The following AKT2 variants were observed in gnomAD, a reference collection of about 807,000 sequenced individuals.
AKT2 encodes AKT serine/threonine kinase 2.
Under a neutral mutation model 58.6 loss-of-function variants are expected in AKT2, and 16 were observed. The ratio of observed to expected loss-of-function variants is 0.27; its 90% CI spans 0.18 to 0.41. The LOEUF is 0.41. AKT2 is among the 10% of genes least tolerant of loss of function. The pLI is 1.00. For missense variants in AKT2, 438 were observed against 661.0 expected, an observed-to-expected ratio of 0.66 and a Z score of 3.70; for synonymous variants, 253 against 254.0, an observed-to-expected ratio of 1.00 and a Z score of 0.04.
At chr19:40,243,697 T>C (rs1221320939) in intron 4 of AKT2, 1 of 152,118 alleles carries the variant, frequency 6.6e-6, no homozygotes, top group Admixed American at 6.5e-5. Flanking sequence ...AAGACCAGCC[T>C]AGGTAACAAA....
chr19:40,236,202 G>A (rs1186981445), intron 10 of AKT2, 55 bp downstream of exon 10: 15 of 1,613,268 alleles, frequency 9.3e-6, no homozygotes, highest in East Asian at 6.7e-5. Flanking sequence ...CACAGGTCTG[G>A]GGGATCCCCC....
intron 4 of AKT2, among the ~76,000 whole-genome samples, chr19:40,247,585 AG>A (rs1185529619): frequency 6.6e-6 from 1 of 152,200 alleles, no homozygotes; most frequent in Non-Finnish European, 1.5e-5. Context: ...ACACCCAGCC[AG>A]GGAGCCCACG....
chr19:40,233,764 G>C lies in AKT2; in HGVS notation c.*108C>G. ...GAAGAAGAACTGGAAAGGGGGTGAG[G>C]AGGTGGGGGTGGGGACACAAACCAA... On this transcript the variant is annotated 3_prime_UTR_variant, in exon 14 of 14. Transcript: ENST00000392038. This position sits in a 1 kb window ranked among gnomAD's most constrained non-coding sequence, Gnocchi z 4.3. 1 of 1,030,236 alleles carries C rather than the reference G, an allele frequency of 9.7e-7. No individual in the cohort carries two copies. The highest frequency in any genetic ancestry group is 1.5e-6 in the Non-Finnish European group (1 of 682,668). The allele number at this position is 1,030,236 out of a possible 1,614,324, so 63.8% of individuals were successfully genotyped here.
Position 40,234,080 on chromosome 19 carries a change from C to A in AKT2, c.1367-129G>T. The A allele has an allele frequency of 1.1e-6, 1 of 925,270 alleles. No homozygotes were observed. Among genetic ancestry groups the A allele is most frequent in the South Asian group, 1.7e-5 (1 of 59,340 alleles). 57.3% of individuals were successfully genotyped at this position (925,270 alleles called of 1,614,324 possible). On this transcript the variant is annotated intron_variant, in intron 13 of 13. Coordinates refer to ENST00000392038, the MANE Select transcript of AKT2 (RefSeq NM_001626.6). The surrounding 1 kb of genome is among the most constrained non-coding windows in gnomAD (Gnocchi z 4.7). ...AGGACAGGACAGGAAAGGCCCATCC[C>A]TCCGCAATGGAGGCCCTCAGCCACG...
At chr19:40,239,660 C>T in intron 7 of AKT2, 1 of 381,196 alleles carries the variant, frequency 2.6e-6, no homozygotes, top group South Asian at 2.1e-5. Context: ...TCCAGGCTGA[C>T]AGACAACACA....
rs1355349467 is a variant in AKT2 at position 40,242,337 on chromosome 19, C to T, written c.441+197G>A. On this transcript the variant is annotated intron_variant, in intron 5 of 13. Coordinates refer to ENST00000392038, the MANE Select transcript of AKT2 (RefSeq NM_001626.6). This position sits in a 1 kb window ranked among gnomAD's most constrained non-coding sequence, Gnocchi z 4.3. ...CCAGGACGAACCTGCAGTGGGTCCA[C>T]CCAAGGTTGCTCCCTCCCCTACGGG... 17 of 956,718 alleles carry T rather than the reference C, an allele frequency of 1.8e-5. No homozygotes were observed. The highest frequency in any genetic ancestry group is 2.7e-5 in the Non-Finnish European group (17 of 622,530). The allele number at this position is 956,718 out of a possible 1,614,324, so 59.3% of individuals were successfully genotyped here.
intron 4 of AKT2, among the ~76,000 whole-genome samples, chr19:40,246,772 C>T (rs1442124760): frequency 1.3e-5 from 2 of 152,218 alleles, no homozygotes; most frequent in African/African-American, 4.8e-5. Context: ...GAGGCTACTC[C>T]AGATGGGAAT....
In AKT2 at chr19:40,235,853, T is replaced by C; in HGVS notation, c.1175+37A>G. On this transcript the variant is annotated intron_variant, in intron 11 of 13. Coordinates refer to ENST00000392038, the MANE Select transcript of AKT2 (RefSeq NM_001626.6). This position sits in a 1 kb window ranked among gnomAD's most constrained non-coding sequence, Gnocchi z 6.3. Reference sequence around the variant, plus strand: ...AGGCCGCAGGGACAGTGGCAGCAGCTGGCGCTGGGCTGGGTGGGGCCGACG... The same window carrying C: ...AGGCCGCAGGGACAGTGGCAGCAGCCGGCGCTGGGCTGGGTGGGGCCGACG... 1 of 1,579,208 alleles carries C rather than the reference T, an allele frequency of 6.3e-7. No individual in the cohort carries two copies. Among genetic ancestry groups the C allele is most frequent in the Non-Finnish European group, 8.6e-7 (1 of 1,164,894 alleles).
At chr19:40,277,000 G>A (rs1483629560) in intron 1 of AKT2, among the ~76,000 whole-genome samples, 1 of 152,176 alleles carries the variant, frequency 6.6e-6, no homozygotes, top group Non-Finnish European at 1.5e-5. Flanking sequence ...TCCAGCCTGG[G>A]TGACAGAGCC....
At chr19:40,285,072 C>G (rs929112643) in intron 1 of AKT2, 109 bp downstream of exon 1, 296 of 387,590 alleles carry the variant, frequency 7.6e-4, no homozygotes, top group African/African-American at 5.4e-3. Flanking sequence ...GCTCGAGGGC[C>G]GCGGTCCCCC....
At position 40,275,214 on chromosome 19, in the gene AKT2, C is replaced by T. The variant is rs1450426050; in HGVS notation, c.-84-9863G>A. On this transcript the variant is annotated intron_variant, in intron 1 of 13. Coordinates refer to ENST00000392038, the MANE Select transcript of AKT2 (RefSeq NM_001626.6). ...GCTCCCAAGAGACAGGGCCACCTCCCATCTTGTGTCGCCTCCTCCCACACC... is the reference window on the plus strand; with the variant it reads ...GCTCCCAAGAGACAGGGCCACCTCCTATCTTGTGTCGCCTCCTCCCACACC... The T allele has an allele frequency of 2.2e-5, 10 of 456,808 alleles. No homozygotes were observed. In the East Asian group the frequency reaches 6.2e-4, roughly 29 times the overall value. The allele number at this position is 456,808 out of a possible 1,614,324, so 28.3% of individuals were successfully genotyped here. A position where few individuals can be genotyped will look rare whatever the true frequency, so the allele number is the denominator to read the frequency against.
At chr19:40,244,094 A>T (rs1568532367) in intron 4 of AKT2, 1 of 144,532 alleles carries the variant, frequency 6.9e-6, no homozygotes, top group African/African-American at 2.5e-5. Context: ...AATAATAATA[A>T]AATAAAGAAC....
chr19:40,257,687 T>G (rs146252481), intron 2 of AKT2, among the ~76,000 whole-genome samples: 1 of 151,078 alleles, frequency 6.6e-6, no homozygotes, highest in Non-Finnish European at 1.5e-5. Context: ...CACAAAAACT[T>G]ACACACAAAT....
chr19:40,235,742 T>TTTA lies in AKT2; in HGVS notation c.1175+147_1175+148insTAA, dbSNP rs1973980390. Reference sequence around the variant, plus strand: ...TGCCCTGGGGGAAGCACTCCCTAAGTGCCACTGTGGACGTTTTCAGGGGCT... The same window carrying TTTA: ...TGCCCTGGGGGAAGCACTCCCTAAGTTTAGCCACTGTGGACGTTTTCAGGGGCT... On this transcript the variant is annotated intron_variant, in intron 11 of 13. Transcript: ENST00000392038. This position sits in a 1 kb window ranked among gnomAD's most constrained non-coding sequence, Gnocchi z 6.3. 1.2e-6 allele frequency: 1 copy of TTTA among 814,504 alleles called. No individual in the cohort carries two copies. Among genetic ancestry groups the TTTA allele is most frequent in the Non-Finnish European group, 1.9e-6 (1 of 528,390 alleles). The allele number at this position is 814,504 out of a possible 1,614,324, so 50.5% of individuals were successfully genotyped here.
intron 4 of AKT2, among the ~76,000 whole-genome samples, chr19:40,251,596 A>G (rs1975160166): frequency 6.6e-6 from 1 of 152,238 alleles, no homozygotes; most frequent in East Asian, 1.9e-4. Context: ...GGGGAGGAAA[A>G]AAAAAGACAA....
intron 2 of AKT2, among the ~76,000 whole-genome samples, chr19:40,263,442 C>T (rs1276901104): frequency 1.3e-5 from 2 of 152,242 alleles, no homozygotes; most frequent in Non-Finnish European, 2.9e-5. Context: ...AGAGATCTGG[C>T]TTGTTAACCC....
intron 1 of AKT2, chr19:40,269,672 A>C (rs1439165426): frequency 6.6e-6 from 1 of 152,240 alleles, no homozygotes; most frequent in Non-Finnish European, 1.5e-5. Flanking sequence ...CAGTAACCCC[A>C]AACTGGTAAC....
Position 40,235,529 on chromosome 19 carries a change from G to A in AKT2, c.1176-179C>T. The A allele has an allele frequency of 1.4e-6, 1 of 695,040 alleles. No homozygotes were observed. The highest frequency in any genetic ancestry group is 1.6e-5 in the South Asian group (1 of 61,298). The allele number at this position is 695,040 out of a possible 1,614,324, so 43.1% of individuals were successfully genotyped here. ...CTCACGTGCCCAGGGTCAGAGCCAG[G>A]GAGTCAGCAACCCGGACCCACGTGT... On this transcript the variant is annotated intron_variant, in intron 11 of 13. Transcript: ENST00000392038. The surrounding 1 kb of genome is among the most constrained non-coding windows in gnomAD (Gnocchi z 6.3).
At chr19:40,252,096 C>A (rs1258312557) in intron 4 of AKT2, among the ~76,000 whole-genome samples, 2 of 152,196 alleles carry the variant, frequency 1.3e-5, no homozygotes, top group African/African-American at 4.8e-5. Flanking sequence ...AGCCAACAAG[C>A]AGTCACCGAC....
Sources: allele counts gnomAD v4.1 joint callset (sites outside exome capture counted in the v4.1 genomes callset), GRCh38; gene constraint gnomAD v4.1.1; non-coding constraint Gnocchi (gnomAD v3.1); transcripts MANE v1.5; gene names NCBI Gene and HGNC (gene_info 2026-07-23, HGNC 2026-07-21).